SV2C: variants seen among roughly 807,000 people sequenced by gnomAD.
The protein encoded by SV2C is synaptic vesicle glycoprotein 2C.
Under a neutral mutation model 79.7 loss-of-function variants are expected in SV2C, and 49 were observed. That is an observed-to-expected ratio of 0.61 (90% confidence interval 0.49 to 0.78). The LOEUF is 0.78. SV2C is among the 30% of genes least tolerant of loss of function. The pLI is 0.00. For synonymous variants in SV2C, 334 were observed against 333.2 expected (o/e 1.00, Z -0.03); for missense variants, 833 against 912.9 (o/e 0.91, Z 1.13).
rs1428642295 is a variant in SV2C at position 76,178,885 on chromosome 5, A to G, written c.581-16034A>G. Among the ~76,000 whole-genome samples, 5 of 152,200 alleles carry G rather than the reference A, an allele frequency of 3.3e-5. No individual in the cohort carries two copies. The East Asian group carries it at 9.6e-4, about 29-fold the overall frequency. ...TTTCATTTTTGAGTTAGTTCTGTCA[A>G]TTGCATAGCTTTATGTGAGGAGGAC... is the stretch of plus-strand genomic sequence containing the variant. On this transcript the variant is annotated intron_variant, in intron 2 of 12. Coordinates refer to ENST00000502798, the MANE Select transcript of SV2C (RefSeq NM_014979.4).
At chr5:76,338,442 G>A (rs13155463), downstream of SV2C, among the ~76,000 whole-genome samples, 1 of 152,156 alleles carries the variant, frequency 6.6e-6, no homozygotes, top group Non-Finnish European at 1.5e-5. Context: ...GGTTTGGGTG[G>A]GGCTATAAGG....
the SV2C span, among the ~76,000 whole-genome samples, chr5:75,957,547 C>G: frequency 6.6e-6 from 1 of 152,136 alleles, no homozygotes; most frequent in East Asian, 1.9e-4. Flanking sequence ...TGTATTCAGA[C>G]TCTTGCCCCA....
Position 76,171,072 on chromosome 5 carries a change from G to T in SV2C, c.581-23847G>T, listed in dbSNP as rs1245735032. ...CCCGGGAGGCAGCGGCTGGAGGAGC[G>T]GACGGGCCCCGCGGGGCCCGAGGGC... On this transcript the variant is annotated intron_variant, in intron 2 of 12. Transcript: ENST00000502798. 6 of 119,214 alleles carry T rather than the reference G, an allele frequency of 5.0e-5. No individual in the cohort carries two copies. The South Asian group carries it at 1.3e-3, about 25-fold the overall frequency. 7.4% of individuals were successfully genotyped at this position (119,214 alleles called of 1,614,324 possible). A position where few individuals can be genotyped will look rare whatever the true frequency, so the allele number is the denominator to read the frequency against.
intron 12 of SV2C, among the ~76,000 whole-genome samples, chr5:76,350,979 ACTC>A (rs1448618958): frequency 1.3e-5 from 2 of 149,544 alleles, no homozygotes; most frequent in Non-Finnish European, 3.0e-5. Context: ...TCACCACTGC[ACTC>A]CTGCCTGCTG....
At chr5:76,274,868 G>A (rs958244129) in intron 4 of SV2C, among the ~76,000 whole-genome samples, 6 of 152,026 alleles carry the variant, frequency 3.9e-5, no homozygotes, top group African/African-American at 1.2e-4. Context: ...TTAAACCTGT[G>A]ACATGTTGAG....
intron 2 of SV2C, among the ~76,000 whole-genome samples, chr5:76,141,533 G>A (rs1749248911): frequency 6.6e-6 from 1 of 152,016 alleles, no homozygotes; most frequent in Non-Finnish European, 1.5e-5. Flanking sequence ...CTTTAAATAA[G>A]GCAATTGAAG....
chr5:75,898,552 G>A, the SV2C span, among the ~76,000 whole-genome samples: 5 of 152,150 alleles, frequency 3.3e-5, no homozygotes, highest in African/African-American at 9.7e-5. Flanking sequence ...GTCTCTGCCC[G>A]CCTTTGGTAT....
At chr5:76,029,948 G>A in the SV2C span, among the ~76,000 whole-genome samples, 2 of 152,104 alleles carry the variant, frequency 1.3e-5, no homozygotes, top group African/African-American at 4.8e-5. Flanking sequence ...CTCTGCTTCA[G>A]TTCCTCTTTT....
chr5:76,054,476 T>C, the SV2C span, among the ~76,000 whole-genome samples: 28 of 152,306 alleles, frequency 1.8e-4, no homozygotes, highest in African/African-American at 6.5e-4. Flanking sequence ...GTCTTTATAG[T>C]AGAATAATTT....
the SV2C span, among the ~76,000 whole-genome samples, chr5:75,978,113 A>G: frequency 1.3e-5 from 2 of 152,184 alleles, no homozygotes; most frequent in Non-Finnish European, 2.9e-5. Flanking sequence ...TGCTCTTGCC[A>G]AGGTCACCAA....
At chr5:76,064,113 G>A in the SV2C span, among the ~76,000 whole-genome samples, 9 of 152,302 alleles carry the variant, frequency 5.9e-5, no homozygotes, top group African/African-American at 2.2e-4. Flanking sequence ...ACTCCACACA[G>A]ATATTTTGGG....
chr5:75,948,349 A>G, the SV2C span, among the ~76,000 whole-genome samples: 1 of 152,132 alleles, frequency 6.6e-6, no homozygotes, highest in African/African-American at 2.4e-5. Flanking sequence ...ATGCACATAC[A>G]TTTGTTTATC....
chr5:75,899,077 G>C, the SV2C span, among the ~76,000 whole-genome samples: 2 of 151,984 alleles, frequency 1.3e-5, no homozygotes, highest in Non-Finnish European at 2.9e-5. Flanking sequence ...CTTCAGTTCT[G>C]CTCTGATTTT....
chr5:75,984,590 TCTATCTAC>T, the SV2C span, among the ~76,000 whole-genome samples: 9,228 of 99,064 alleles, frequency 0.093, 417 homozygotes, highest in Non-Finnish European at 0.17. Context: ...TATCTATCTA[TCTATCTAC>T]CTATCTATCT....
At chr5:76,180,719 C>A (rs1048988449) in intron 2 of SV2C, among the ~76,000 whole-genome samples, 2 of 152,202 alleles carry the variant, frequency 1.3e-5, no homozygotes, top group Admixed American at 1.3e-4. Flanking sequence ...TTGCCAGTGA[C>A]CTCTTCCAGG....
the SV2C span, among the ~76,000 whole-genome samples, chr5:76,056,456 T>C: frequency 3.3e-5 from 5 of 152,056 alleles, no homozygotes; most frequent in East Asian, 9.7e-4. Context: ...AAGTTTTCTT[T>C]TTTGGTTGCA....
the SV2C span, among the ~76,000 whole-genome samples, chr5:76,077,895 G>A: frequency 0.014 from 2,164 of 152,286 alleles, 25 homozygotes; most frequent in Non-Finnish European, 0.022. Context: ...TATGGAGCAT[G>A]GAGACCAACC....
the SV2C span, among the ~76,000 whole-genome samples, chr5:76,059,448 C>T: frequency 2.6e-5 from 4 of 151,886 alleles, no homozygotes; most frequent in South Asian, 8.3e-4. Flanking sequence ...GCAATGTTCA[C>T]AGCATCTTCA....
chr5:76,325,600 C>T lies in SV2C; in HGVS notation c.*53C>T. On this transcript the variant is annotated 3_prime_UTR_variant, in exon 13 of 13. Transcript: ENST00000502798. ...TTCTTCCTCCTGCCCTGGGTCAATT[C>T]TCCTTCCTGACTCAAGGCTTCAGAG... 1.3e-6 allele frequency: 2 copies of T among 1,596,084 alleles called. No homozygotes were observed. The highest frequency in any genetic ancestry group is 1.1e-5 in the South Asian group (1 of 88,430).
Sources: allele counts gnomAD v4.1 joint callset (sites outside exome capture counted in the v4.1 genomes callset), GRCh38; gene constraint gnomAD v4.1.1; transcripts MANE v1.5; gene names NCBI Gene and HGNC (gene_info 2026-07-23, HGNC 2026-07-21).